The following SLC9A9 variants were observed in gnomAD, a reference collection of about 807,000 sequenced individuals.
The protein encoded by SLC9A9 is sodium/hydrogen exchanger 9.
SLC9A9 carries 62 observed loss-of-function variants against 77.8 expected under a neutral mutation model. The ratio of observed to expected loss-of-function variants is 0.80; its 90% CI spans 0.65 to 0.98. The LOEUF (loss-of-function observed/expected upper bound fraction) is 0.98. Among genes scored for constraint, SLC9A9 ranks in the 50% least tolerant of loss-of-function variants. The probability of loss-of-function intolerance (pLI) is 0.00; values close to 1 mark genes in which losing one functional copy is unlikely to be tolerated. For missense variants in SLC9A9, 775 were observed against 774.9 expected, an observed-to-expected ratio of 1.00 and a Z score of 0.00; for synonymous variants, 320 against 283.5, an observed-to-expected ratio of 1.13 and a Z score of -1.29.
At position 143,495,420 on chromosome 3, in the gene SLC9A9, TCC is replaced by T; in HGVS notation, c.1116_1117del (p.Asn374ArgfsTer19). On this transcript the variant is annotated frameshift_variant, in exon 10 of 16. Transcript: ENST00000316549. LOFTEE classifies it high-confidence loss of function. ...GCCCATGTAACAGAAGATGACGTTC[TCC>T]GCCAAAAAGTTCATAAATTCAAACA... The T allele has an allele frequency of 6.2e-7, 1 of 1,614,098 alleles. No homozygotes were observed. Among genetic ancestry groups the T allele is most frequent in the Non-Finnish European group, 8.5e-7 (1 of 1,179,946 alleles).
intron 1 of SLC9A9, among the ~76,000 whole-genome samples, chr3:143,836,796 T>G (rs986071319): frequency 6.6e-6 from 1 of 152,240 alleles, no homozygotes; most frequent in Non-Finnish European, 1.5e-5. Context: ...CCTAAGGCAT[T>G]GCTCTAGGAC....
chr3:143,482,241 T>C (rs889718097), intron 11 of SLC9A9, among the ~76,000 whole-genome samples: 4 of 152,212 alleles, frequency 2.6e-5, no homozygotes, highest in African/African-American at 9.6e-5. Flanking sequence ...TCCTTTGGTG[T>C]CAGCAGCTAT....
intron 14 of SLC9A9, among the ~76,000 whole-genome samples, chr3:143,347,496 C>A (rs940345943): frequency 6.6e-6 from 1 of 152,102 alleles, no homozygotes; most frequent in African/African-American, 2.4e-5. Flanking sequence ...TTTGGCTAAA[C>A]CAGAAATTAG....
chr3:143,740,379 A>G lies in SLC9A9; in HGVS notation c.534-47072T>C, dbSNP rs377466211. ...TGTAAATGGATCCTGTGCATAAATT[A>G]ATTCTGGATTTCCCAAATTACAGCC... is the stretch of plus-strand genomic sequence containing the variant. On this transcript the variant is annotated intron_variant, in intron 4 of 15. Coordinates refer to ENST00000316549, the MANE Select transcript of SLC9A9 (RefSeq NM_173653.4). Among the ~76,000 whole-genome samples, 6 of 152,340 alleles carry G rather than the reference A, an allele frequency of 3.9e-5. No homozygotes were observed. The East Asian group carries it at 9.6e-4, about 24-fold the overall frequency.
At chr3:143,665,390 T>C (rs1236123845) in intron 5 of SLC9A9, among the ~76,000 whole-genome samples, 9 of 152,100 alleles carry the variant, frequency 5.9e-5, no homozygotes, top group African/African-American at 2.2e-4. Flanking sequence ...GCAGGAAAGA[T>C]CTAAAATTGA....
At chr3:143,590,710 G>A (rs2037631384) in intron 6 of SLC9A9, among the ~76,000 whole-genome samples, 1 of 152,160 alleles carries the variant, frequency 6.6e-6, no homozygotes, top group Non-Finnish European at 1.5e-5. Flanking sequence ...GAAATCCTGT[G>A]GCTACACCTG....
At chr3:143,688,822 CTG>C (rs968159873) in intron 5 of SLC9A9, among the ~76,000 whole-genome samples, 1 of 152,084 alleles carries the variant, frequency 6.6e-6, no homozygotes, top group African/African-American at 2.4e-5. Context: ...ACCAGGAAAA[CTG>C]TTTGTAACTT....
Position 143,266,744 on chromosome 3 carries a change from T to C in SLC9A9, c.1896A>G (p.Glu632=). 1 of 1,614,134 alleles carries C rather than the reference T, an allele frequency of 6.2e-7. No homozygotes were observed. Among genetic ancestry groups the C allele is most frequent in the Non-Finnish European group, 8.5e-7 (1 of 1,180,000 alleles). Residue 632 remains glutamate (E), a synonymous_variant, in exon 16 of 16, where the codon GAA becomes GAG. Coordinates refer to ENST00000316549, the MANE Select transcript of SLC9A9 (RefSeq NM_173653.4). ...GACCCAAAGTTTGCTCAAGCTTGAG[T>C]TCATAGCCTCCCAGGCCGAGGTCTC... ...YEGDLGLGGY[E]LKLEQTLGQS...
intron 12 of SLC9A9, among the ~76,000 whole-genome samples, chr3:143,387,058 T>C (rs1270797909): frequency 1.3e-5 from 2 of 152,132 alleles, no homozygotes; most frequent in African/African-American, 4.8e-5. Flanking sequence ...CCAGGCTGTT[T>C]TCAAACTCCT....
intron 4 of SLC9A9, among the ~76,000 whole-genome samples, chr3:143,694,462 A>G (rs954569008): frequency 6.6e-6 from 1 of 152,194 alleles, no homozygotes; most frequent in Non-Finnish European, 1.5e-5. Context: ...TGTCTGGCAC[A>G]TAGCAAATTC....
At chr3:143,582,329 A>G (rs750271588) in intron 6 of SLC9A9, among the ~76,000 whole-genome samples, 5 of 152,244 alleles carry the variant, frequency 3.3e-5, no homozygotes, top group African/African-American at 4.8e-5. Flanking sequence ...TGTTGTGAGG[A>G]TATGAGATAC....
chr3:143,316,698 A>C (rs955058864), intron 14 of SLC9A9, among the ~76,000 whole-genome samples: 4 of 152,190 alleles, frequency 2.6e-5, no homozygotes, highest in African/African-American at 9.7e-5. Flanking sequence ...ATGGTCCAAA[A>C]ATACAACTCT....
At chr3:143,661,812 A>G in intron 5 of SLC9A9, among the ~76,000 whole-genome samples, 1 of 152,136 alleles carries the variant, frequency 6.6e-6, no homozygotes, top group Admixed American at 6.5e-5. Flanking sequence ...GGTGTAAGCC[A>G]CTGTGTCCGG....
At chr3:143,417,270 G>T (rs1340796144) in intron 12 of SLC9A9, among the ~76,000 whole-genome samples, 1 of 152,070 alleles carries the variant, frequency 6.6e-6, no homozygotes. Flanking sequence ...AACTGTAGTG[G>T]CAGACTTTGA....
At chr3:143,505,886 G>A (rs1327911724) in intron 9 of SLC9A9, among the ~76,000 whole-genome samples, 1 of 152,086 alleles carries the variant, frequency 6.6e-6, no homozygotes, top group Non-Finnish European at 1.5e-5. Context: ...AACTTAAGGG[G>A]AAGGCCATTT....
In SLC9A9 at chr3:143,673,958, T is replaced by A. The variant is rs115926193; in HGVS notation, c.649+19234A>T. ...AAAACAAATTCTTTAATTATGGTCA[T>A]GTAGGAAGAAAATGGTATCTGGAAA... On this transcript the variant is annotated intron_variant, in intron 5 of 15. Coordinates refer to ENST00000316549, the MANE Select transcript of SLC9A9 (RefSeq NM_173653.4). Among the ~76,000 whole-genome samples, 605 of 152,234 alleles carry A rather than the reference T, an allele frequency of 4.0e-3. 3 individuals carry two copies. The highest frequency in any genetic ancestry group is 0.014 in the African/African-American group (591 of 41,540).
At position 143,518,096 on chromosome 3, in the gene SLC9A9, G is replaced by C. The variant is rs1341974819; in HGVS notation, c.1090-22648C>G. On this transcript the variant is annotated intron_variant, in intron 9 of 15. Transcript: ENST00000316549. ...TTCTTCTGATTTAGCTTTCTGAGTA[G>C]CAGGTGGTACTTTACCTCCCATGCT... 12 of 1,569,946 alleles carry C rather than the reference G, an allele frequency of 7.6e-6. No individual in the cohort carries two copies. The East Asian group carries it at 1.8e-4, about 23-fold the overall frequency.
At chr3:143,527,748 A>C (rs1322227814) in intron 9 of SLC9A9, among the ~76,000 whole-genome samples, 3 of 152,142 alleles carry the variant, frequency 2.0e-5, no homozygotes, top group Non-Finnish European at 4.4e-5. Flanking sequence ...CCAATGTTTA[A>C]CCCTTCTTCC....
intron 12 of SLC9A9, among the ~76,000 whole-genome samples, chr3:143,414,815 A>G (rs1468001234): frequency 6.6e-6 from 1 of 152,232 alleles, no homozygotes; most frequent in African/African-American, 2.4e-5. Flanking sequence ...TCTCACTTTA[A>G]ATCAAAAGCT....
Sources: allele counts gnomAD v4.1 joint callset (sites outside exome capture counted in the v4.1 genomes callset), GRCh38; gene constraint gnomAD v4.1.1; transcripts MANE v1.5; gene names NCBI Gene and HGNC (gene_info 2026-07-23, HGNC 2026-07-21).